Variants in DEPDC4 observed in about 807,000 individuals in gnomAD.
DEPDC4 encodes DEP domain containing 4.
DEPDC4 carries 52 observed loss-of-function variants against 52.0 expected under a neutral mutation model. That is an observed-to-expected ratio of 1.00 (90% confidence interval 0.80 to 1.26). The LOEUF is 1.26. Ranked by LOEUF, DEPDC4 falls within the 50% of genes most tolerant of loss-of-function variation. DEPDC4 has a pLI of 0.00. For synonymous variants in DEPDC4, 201 were observed against 196.8 expected, an observed-to-expected ratio of 1.02 and a Z score of -0.18; for missense variants, 530 against 546.9, an observed-to-expected ratio of 0.97 and a Z score of 0.31.
chr12:100,244,232 A>G (rs759646287), intron 8 of DEPDC4, among the ~76,000 whole-genome samples: 86 of 149,500 alleles, frequency 5.8e-4, no homozygotes, highest in Non-Finnish European at 8.0e-4. Context: ...CCAGGCTGGA[A>G]TGCAGTGGCG....
chr12:100,272,521 C>T, the DEPDC4 span, among the ~76,000 whole-genome samples: 2 of 152,256 alleles, frequency 1.3e-5, no homozygotes, highest in Admixed American at 1.3e-4. Context: ...TTTTTACTTT[C>T]AGTCTGGACG....
At chr12:100,248,322 G>T (rs1476687278) in intron 8 of DEPDC4, among the ~76,000 whole-genome samples, 1 of 152,128 alleles carries the variant, frequency 6.6e-6, no homozygotes, top group African/African-American at 2.4e-5. Context: ...AGACAATTTG[G>T]TGCTGGCACT....
At chr12:100,266,436 G>A (rs902727691) in intron 1 of DEPDC4, among the ~76,000 whole-genome samples, 1 of 151,984 alleles carries the variant, frequency 6.6e-6, no homozygotes, top group African/African-American at 2.4e-5. Context: ...AAAATACAGC[G>A]GTACAGCCTG....
chr12:100,244,974 C>T (rs1429731282), intron 8 of DEPDC4, among the ~76,000 whole-genome samples: 1 of 151,900 alleles, frequency 6.6e-6, no homozygotes, highest in South Asian at 2.1e-4. Context: ...CGGGTTCAAG[C>T]GAGTGTCCTG....
At chr12:100,239,667 G>T (rs1013620054), downstream of DEPDC4, among the ~76,000 whole-genome samples, 2 of 151,984 alleles carry the variant, frequency 1.3e-5, no homozygotes, top group Non-Finnish European at 2.9e-5. Context: ...TTATAGGTGT[G>T]AGCCACCAGG....
At chr12:100,236,483 A>G (rs141989321), downstream of DEPDC4, among the ~76,000 whole-genome samples, 123 of 152,048 alleles carry the variant, frequency 8.1e-4, no homozygotes, top group African/African-American at 2.8e-3. Context: ...GGTCATTTGT[A>G]TATCTTCTTT....
At chr12:100,281,167 T>C in the DEPDC4 span, among the ~76,000 whole-genome samples, 50 of 151,794 alleles carry the variant, frequency 3.3e-4, no homozygotes, top group African/African-American at 1.2e-3. Flanking sequence ...TAGCTGGGAC[T>C]ACAGGCACAT....
chr12:100,249,797 G>A (rs1393542849), intron 7 of DEPDC4, among the ~76,000 whole-genome samples: 1 of 152,142 alleles, frequency 6.6e-6, no homozygotes, highest in Non-Finnish European at 1.5e-5. Flanking sequence ...TATGTGCCAG[G>A]TACTGTTACA....
chr12:100,258,490 C>T (rs900943507), intron 3 of DEPDC4, among the ~76,000 whole-genome samples: 4 of 152,054 alleles, frequency 2.6e-5, no homozygotes, highest in African/African-American at 9.7e-5. Flanking sequence ...ATAGATTTAC[C>T]TTAAAGTATA....
At chr12:100,269,465 A>G (rs1237912386), upstream of DEPDC4, among the ~76,000 whole-genome samples, 1 of 152,148 alleles carries the variant, frequency 6.6e-6, no homozygotes, top group Non-Finnish European at 1.5e-5. Flanking sequence ...TAATAAATTA[A>G]TTAGATGTTC....
downstream of DEPDC4, among the ~76,000 whole-genome samples, chr12:100,237,609 TCA>T (rs1432141068): frequency 6.6e-6 from 1 of 152,194 alleles, no homozygotes; most frequent in Admixed American, 6.5e-5. Context: ...TGTTACCACA[TCA>T]CAGATTCTCC....
At chr12:100,259,077 A>ATATATATATATATAT (rs1555312790) in intron 3 of DEPDC4, among the ~76,000 whole-genome samples, 6 of 129,438 alleles carry the variant, frequency 4.6e-5, no homozygotes, top group South Asian at 2.1e-4. Context: ...TCTCAAAAAA[A>ATATATATATATATAT]AAAAATATAT....
downstream of DEPDC4, among the ~76,000 whole-genome samples, chr12:100,236,331 TCAC>T (rs986563311): frequency 1.3e-5 from 2 of 152,194 alleles, no homozygotes; most frequent in African/African-American, 2.4e-5. Flanking sequence ...TGTTCCTTGT[TCAC>T]CACATCCATG....
chr12:100,236,857 T>C (rs139161902), downstream of DEPDC4, among the ~76,000 whole-genome samples: 199 of 152,320 alleles, frequency 1.3e-3, no homozygotes, highest in African/African-American at 4.6e-3. Context: ...TTGATTTTTG[T>C]ATAAGGTGAG....
chr12:100,241,814 C>T lies in DEPDC4; in HGVS notation c.*78G>A. 8.1e-7 allele frequency: 1 copy of T among 1,232,014 alleles called. No homozygotes were observed. Among genetic ancestry groups the T allele is most frequent in the Non-Finnish European group, 1.0e-6 (1 of 964,224 alleles). The allele number at this position is 1,232,014 out of a possible 1,614,324, so 76.3% of individuals were successfully genotyped here. A position where few individuals can be genotyped will look rare whatever the true frequency, so the allele number is the denominator to read the frequency against. The stretch of plus-strand genomic sequence containing the variant: ...TCCTTCCCTTCTGCTTTTCAAACTC[C>T]TTGTATGTCAAGGGTTGGCAAAACG... On this transcript the variant is annotated 3_prime_UTR_variant, in exon 10 of 10. Transcript: ENST00000550587.
Position 100,263,601 on chromosome 12 carries a change from A to T in DEPDC4, c.450T>A (p.Phe150Leu), listed in dbSNP as rs757672538. 1 of 1,614,104 alleles carries T rather than the reference A, an allele frequency of 6.2e-7. No individual in the cohort carries two copies. The highest frequency in any genetic ancestry group is 8.5e-7 in the Non-Finnish European group (1 of 1,179,996). Residue 150 changes from phenylalanine (F) to leucine (L), a missense_variant, in exon 2 of 10, where the codon TTT becomes TTA. Transcript: ENST00000550587. ...TGTAGAGACTAATGTTGGAATCTTC[A>T]AATTCTAATTCCTTTTCTTTTTTGA... is the stretch of plus-strand genomic sequence containing the variant. ...KLFKKEKELE[F>L]EDSNISLYRF...
chr12:100,279,362 G>A, the DEPDC4 span, among the ~76,000 whole-genome samples: 1 of 152,214 alleles, frequency 6.6e-6, no homozygotes, highest in Non-Finnish European at 1.5e-5. Context: ...CTCGCCTACC[G>A]CTCACCTCCT....
intron 4 of DEPDC4, among the ~76,000 whole-genome samples, chr12:100,255,463 A>G (rs934901861): frequency 2.6e-5 from 4 of 152,160 alleles, no homozygotes; most frequent in Non-Finnish European, 5.9e-5. Flanking sequence ...TTTGGCTCAC[A>G]TGGGAGGAAG....
the DEPDC4 span, among the ~76,000 whole-genome samples, chr12:100,276,587 T>C: frequency 6.6e-6 from 1 of 152,184 alleles, no homozygotes; most frequent in African/African-American, 2.4e-5. Context: ...ATCCTCCTGC[T>C]TTAGTGTCCC....
Sources: gnomAD v4.1 joint callset for allele counts (sites outside exome capture counted in the v4.1 genomes callset) on GRCh38, gnomAD v4.1.1 for gene constraint, MANE v1.5 for transcripts, NCBI Gene and HGNC (gene_info 2026-07-23, HGNC 2026-07-21) for gene names.